The following HPS3 variants were observed in gnomAD, a reference collection of about 807,000 sequenced individuals.
The protein encoded by HPS3 is HPS3 biogenesis of lysosomal organelles complex 2 subunit 1, also known as BLOC-2 complex member HPS3.
HPS3 carries 79 observed loss-of-function variants against 110.9 expected under a neutral mutation model. The ratio of observed to expected loss-of-function variants is 0.71; its 90% CI spans 0.59 to 0.86. HPS3 has a LOEUF of 0.86. Ranked by LOEUF, HPS3 falls within the 40% of genes least tolerant of loss-of-function variation. HPS3 has a pLI of 0.00. For synonymous variants in HPS3, 428 were observed against 451.0 expected (o/e 0.95, Z 0.65); for missense variants, 1,197 against 1,206.2 (o/e 0.99, Z 0.11).
intron 2 of HPS3, 109 bp from the exon 3 acceptor site, chr3:149,140,908 A>C: frequency 9.9e-7 from 1 of 1,006,922 alleles, no homozygotes; most frequent in South Asian, 1.4e-5. Flanking sequence ...TGCCTTGTAA[A>C]TGTGTGCATA....
chr3:149,145,410 T>G lies in HPS3; in HGVS notation c.1027T>G (p.Phe343Val). Residue 343 changes from phenylalanine to valine, a missense_variant, in exon 5 of 17, where the codon TTT becomes GTT. Coordinates refer to ENST00000296051, the MANE Select transcript of HPS3 (RefSeq NM_032383.5). ...TCAGGAAAAAGAATTGCTGAGTCTCTTTTGCTTTTTCTCCTTACCTCATGT... is the reference window on the plus strand; with the variant it reads ...TCAGGAAAAAGAATTGCTGAGTCTCGTTTGCTTTTTCTCCTTACCTCATGT... ...LSQEKELLSL[F>V]CFFSLPHVGY... The G allele has an allele frequency of 6.2e-7, 1 of 1,614,096 alleles. No individual in the cohort carries two copies. The highest frequency in any genetic ancestry group is 8.5e-7 in the Non-Finnish European group (1 of 1,179,956).
rs1472425843 is a variant in HPS3 at position 149,129,890 on chromosome 3, G to A, written c.167G>A (p.Cys56Tyr). ...VAGQELCQPR[C>Y]AFSTLGRVLR... ...GGCCAGGAGCTGTGCCAGCCGCGGT[G>A]CGCCTTCTCCACGCTGGGCCGGGTG... Residue 56 changes from cysteine (C) to tyrosine (Y), a missense_variant, in exon 1 of 17, where the codon TGC becomes TAC. Cys to Tyr is a radical substitution (Grantham distance 194). Transcript: ENST00000296051. The A allele has an allele frequency of 3.2e-6, 5 of 1,587,220 alleles. No homozygotes were observed. The Admixed American group carries it at 6.9e-5, about 22-fold the overall frequency.
At chr3:149,131,639 A>G (rs948083969) in intron 1 of HPS3, among the ~76,000 whole-genome samples, 4 of 152,198 alleles carry the variant, frequency 2.6e-5, no homozygotes, top group Non-Finnish European at 4.4e-5. Flanking sequence ...AGACACAACA[A>G]TATTGAAATC....
intron 2 of HPS3, 63 bp downstream of exon 2, chr3:149,140,561 G>A (rs959953768): frequency 3.9e-6 from 6 of 1,542,412 alleles, no homozygotes; most frequent in South Asian, 3.4e-5. Flanking sequence ...ACCTTTGGCA[G>A]TCTGAAGGTC....
At chr3:149,134,809 A>G (rs1308541822) in intron 1 of HPS3, among the ~76,000 whole-genome samples, 1 of 152,192 alleles carries the variant, frequency 6.6e-6, no homozygotes, top group Non-Finnish European at 1.5e-5. Flanking sequence ...GTCATGTGGG[A>G]TGGAATTAGC....
chr3:149,158,147 A>G (rs1405087922), intron 9 of HPS3, among the ~76,000 whole-genome samples: 1 of 152,228 alleles, frequency 6.6e-6, no homozygotes, highest in African/African-American at 2.4e-5. Context: ...CACTGGTATG[A>G]ATAATGTTTT....
rs1357743166 is a variant in HPS3 at position 149,129,691 on chromosome 3, C to T, written c.-33C>T. 6.6e-7 allele frequency: 1 copy of T among 1,509,258 alleles called. No homozygotes were observed. Among genetic ancestry groups the T allele is most frequent in the African/African-American group, 1.4e-5 (1 of 71,294 alleles). The allele number at this position is 1,509,258 out of a possible 1,614,324, so 93.5% of individuals were successfully genotyped here. A position where few individuals can be genotyped will look rare whatever the true frequency, so the allele number is the denominator to read the frequency against. ...CGGGGTCTCCGGGCGCCCTGCAGGGCGGGCAGGCTGTGCCATCCCGCCGGA... is the reference window on the plus strand; with the variant it reads ...CGGGGTCTCCGGGCGCCCTGCAGGGTGGGCAGGCTGTGCCATCCCGCCGGA... On this transcript the variant is annotated 5_prime_UTR_variant, in exon 1 of 17. Coordinates refer to ENST00000296051, the MANE Select transcript of HPS3 (RefSeq NM_032383.5).
At chr3:149,168,165 T>G (rs550996170) in intron 16 of HPS3, 182 bp downstream of exon 16, 1 of 590,450 alleles carries the variant, frequency 1.7e-6, no homozygotes, top group Non-Finnish European at 3.1e-6. Context: ...ATTTATCTCC[T>G]AGTCACAGAA....
At chr3:149,161,574 A>G (rs1462039849) in intron 11 of HPS3, among the ~76,000 whole-genome samples, 1 of 145,796 alleles carries the variant, frequency 6.9e-6, no homozygotes, top group African/African-American at 2.6e-5. Flanking sequence ...CAGTGGCGCA[A>G]TCTCAGCTTA....
intron 1 of HPS3, among the ~76,000 whole-genome samples, chr3:149,133,281 ATTTTTTTATT>A (rs1389465727): frequency 6.6e-6 from 1 of 151,844 alleles, no homozygotes; most frequent in African/African-American, 2.4e-5. Context: ...TAATTGTTTT[ATTTTTTTATT>A]TTATTTTATT....
intron 14 of HPS3, chr3:149,166,064 G>C (rs532728851): frequency 1.3e-5 from 6 of 454,932 alleles, no homozygotes; most frequent in African/African-American, 4.0e-5. Context: ...TAGCAAAAAG[G>C]GTACAGGGAC....
At chr3:149,155,007 AAATG>A (rs1415664946) in intron 7 of HPS3, 96 bp from the exon 8 acceptor site, 1 of 744,650 alleles carries the variant, frequency 1.3e-6, no homozygotes, top group Non-Finnish European at 2.4e-6. Flanking sequence ...TAGTAAATGA[AAATG>A]ATTTTATAGT....
chr3:149,167,171 C>T lies in HPS3; in HGVS notation c.2727C>T (p.Asp909=), dbSNP rs1475984347. Residue 909 remains aspartate, a synonymous_variant, in exon 15 of 17, where the codon GAC becomes GAT. Coordinates refer to ENST00000296051, the MANE Select transcript of HPS3 (RefSeq NM_032383.5). ...TRLKEYEQCI[D]ILLERCPEAV... is the part of the protein sequence containing the mutation. ...TGAAAGAGTATGAACAGTGCATAGA[C>T]ATACTGTTAGAGAGATGCCCGGAGG... The T allele has an allele frequency of 6.2e-7, 1 of 1,613,576 alleles. No individual in the cohort carries two copies. Among genetic ancestry groups the T allele is most frequent in the Non-Finnish European group, 8.5e-7 (1 of 1,179,508 alleles).
At chr3:149,153,687 T>C in intron 7 of HPS3, 39 bp downstream of exon 7, 2 of 1,592,496 alleles carry the variant, frequency 1.3e-6, no homozygotes, top group Middle Eastern at 1.7e-4. Flanking sequence ...TGCCAGTTTC[T>C]GGAATGAGTT....
At chr3:149,171,790 T>C (rs556833898) in intron 16 of HPS3, among the ~76,000 whole-genome samples, 6 of 150,702 alleles carry the variant, frequency 4.0e-5, no homozygotes, top group South Asian at 2.1e-4. Flanking sequence ...CTGCAACTTC[T>C]GCCTCAAGGG....
At chr3:149,158,638 T>G in intron 9 of HPS3, 28 bp from the exon 10 acceptor site, 1 of 1,605,084 alleles carries the variant, frequency 6.2e-7, no homozygotes, top group African/African-American at 1.3e-5. Flanking sequence ...AGTGACAAAT[T>G]TGAGGTTTTT....
At position 149,140,461 on chromosome 3, in the gene HPS3, A is replaced by T; in HGVS notation, c.675A>T (p.Pro225=). ...PKNGERVHHH[P]HKTNNRIRRT... Reference sequence around the variant, plus strand: ...ATGGAGAGAGAGTTCACCACCATCCACATAAGACCAACAATCGAATAAGAC... The same window carrying T: ...ATGGAGAGAGAGTTCACCACCATCCTCATAAGACCAACAATCGAATAAGAC... Residue 225 remains proline (P), a synonymous_variant, in exon 2 of 17, where the codon CCA becomes CCT. Coordinates refer to ENST00000296051, the MANE Select transcript of HPS3 (RefSeq NM_032383.5). 1 of 1,614,112 alleles carries T rather than the reference A, an allele frequency of 6.2e-7. No homozygotes were observed. The highest frequency in any genetic ancestry group is 1.7e-4 in the Middle Eastern group (1 of 6,060).
chr3:149,152,585 C>A (rs1167313816), intron 6 of HPS3, among the ~76,000 whole-genome samples: 2 of 152,168 alleles, frequency 1.3e-5, no homozygotes, highest in African/African-American at 4.8e-5. Flanking sequence ...GTTTAGCCCA[C>A]CTGCTGACTC....
At chr3:149,149,937 A>G (rs1359746388) in intron 5 of HPS3, among the ~76,000 whole-genome samples, 1 of 152,160 alleles carries the variant, frequency 6.6e-6, no homozygotes, top group East Asian at 1.9e-4. Flanking sequence ...GGAAAGAGGT[A>G]GAGGAGTGTG....
Sources: allele counts gnomAD v4.1 joint callset (sites outside exome capture counted in the v4.1 genomes callset), GRCh38; gene constraint gnomAD v4.1.1; transcripts MANE v1.5; gene names NCBI Gene and HGNC (gene_info 2026-07-23, HGNC 2026-07-21).